The following LRRIQ1 variants were observed in gnomAD, a reference collection of about 807,000 sequenced individuals.
LRRIQ1 encodes the protein leucine rich repeats and IQ motif containing 1, also known as leucine-rich repeat- and IQ domain-containing protein 1.
A neutral mutation model predicts 211.9 loss-of-function variants in LRRIQ1; 210 were observed. The observed-to-expected ratio is 0.99, with a 90% CI of 0.89 to 1.11. The LOEUF (loss-of-function observed/expected upper bound fraction) is 1.11, where lower values mean the gene tolerates loss of function less well. Ranked by LOEUF, LRRIQ1 falls within the 50% of genes most tolerant of loss-of-function variation. LRRIQ1 has a pLI of 0.00. For synonymous variants in LRRIQ1, 699 were observed against 650.1 expected, an observed-to-expected ratio of 1.08 and a Z score of -1.14; for missense variants, 2,136 against 1,939.5, an observed-to-expected ratio of 1.10 and a Z score of -1.90.
intron 25 of LRRIQ1, among the ~76,000 whole-genome samples, chr12:85,232,359 TGTAAGCAAATACAA>T (rs1894983230): frequency 1.3e-5 from 2 of 152,098 alleles, no homozygotes; most frequent in Admixed American, 1.3e-4. Context: ...GACTAAAACA[TGTAAGCAAATACAA>T]ATAAAATGTT....
Position 85,056,966 on chromosome 12 carries a change from A to G in LRRIQ1, c.2173A>G (p.Met725Val), listed in dbSNP as rs1220431761. Residue 725 changes from methionine to valine, a missense_variant, in exon 8 of 27, where the codon ATG (methionine) becomes GTG (valine). Transcript: ENST00000393217. Reference protein sequence around the residue: ...CHENAPEPDSMTCCVSESTLL... With the variant: ...CHENAPEPDSVTCCVSESTLL... The stretch of plus-strand genomic sequence containing the variant: ...TGAAAATGCACCTGAACCTGATAGC[A>G]TGACCTGCTGTGTATCAGAGTCAAC... The G allele has an allele frequency of 1.2e-6, 2 of 1,611,930 alleles. No homozygotes were observed. The highest frequency in any genetic ancestry group is 1.7e-6 in the Non-Finnish European group (2 of 1,179,052).
intron 24 of LRRIQ1, among the ~76,000 whole-genome samples, chr12:85,181,383 A>G (rs893686668): frequency 1.3e-5 from 2 of 151,860 alleles, no homozygotes; most frequent in African/African-American, 4.8e-5. Context: ...TCTAGGATCT[A>G]ATTTTTAACA....
chr12:85,083,314 A>T (rs990468188), intron 11 of LRRIQ1, among the ~76,000 whole-genome samples: 3 of 152,182 alleles, frequency 2.0e-5, no homozygotes, highest in African/African-American at 7.2e-5. Flanking sequence ...AGAATTCATT[A>T]CTTTCATAGC....
intron 18 of LRRIQ1, among the ~76,000 whole-genome samples, chr12:85,128,331 G>A (rs1888526876): frequency 6.6e-6 from 1 of 152,156 alleles, no homozygotes; most frequent in Admixed American, 6.5e-5. Flanking sequence ...AGGATGTGGT[G>A]GCTCAAGCCT....
intron 1 of LRRIQ1, among the ~76,000 whole-genome samples, chr12:85,257,904 A>G (rs1207575192): frequency 1.3e-5 from 2 of 151,874 alleles, no homozygotes; most frequent in Non-Finnish European, 2.9e-5. Context: ...GCCACATGGC[A>G]TCTTTAAGAA....
At chr12:85,234,024 A>G (rs1330783995) in intron 26 of LRRIQ1, among the ~76,000 whole-genome samples, 1 of 152,078 alleles carries the variant, frequency 6.6e-6, no homozygotes, top group Non-Finnish European at 1.5e-5. Context: ...TGAGCCCAAG[A>G]GTTCAAGACC....
chr12:85,144,674 C>T (rs1043366844), intron 19 of LRRIQ1, among the ~76,000 whole-genome samples: 2 of 151,508 alleles, frequency 1.3e-5, no homozygotes, highest in African/African-American at 2.4e-5. Flanking sequence ...AGAAGAAATA[C>T]AAAAGTAGCC....
At chr12:85,214,659 A>G (rs1021235894) in intron 24 of LRRIQ1, among the ~76,000 whole-genome samples, 1 of 152,122 alleles carries the variant, frequency 6.6e-6, no homozygotes, top group Middle Eastern at 3.2e-3. Flanking sequence ...AGGGTTTTCT[A>G]AATCTTATTT....
chr12:85,178,198 G>A (rs1227293674), intron 24 of LRRIQ1, among the ~76,000 whole-genome samples: 4 of 151,900 alleles, frequency 2.6e-5, no homozygotes, highest in Non-Finnish European at 5.9e-5. Context: ...CCTGATACAT[G>A]ATGATCTTCC....
chr12:85,207,256 C>T (rs1048777979), intron 24 of LRRIQ1, among the ~76,000 whole-genome samples: 1 of 152,090 alleles, frequency 6.6e-6, no homozygotes, highest in Non-Finnish European at 1.5e-5. Context: ...CTCCCTCCGT[C>T]CACTCTCAAT....
At chr12:85,190,224 AATG>A (rs961751332) in intron 24 of LRRIQ1, among the ~76,000 whole-genome samples, 1 of 144,646 alleles carries the variant, frequency 6.9e-6, no homozygotes, top group African/African-American at 2.5e-5. Flanking sequence ...ATAATTTTAT[AATG>A]ATATATTAAT....
intron 24 of LRRIQ1, among the ~76,000 whole-genome samples, chr12:85,212,765 G>T (rs185246102): frequency 6.8e-6 from 1 of 147,782 alleles, no homozygotes. Flanking sequence ...AATACGTATC[G>T]AATATATATT....
chr12:85,075,115 C>T (rs1292445001), intron 11 of LRRIQ1, among the ~76,000 whole-genome samples: 1 of 152,036 alleles, frequency 6.6e-6, no homozygotes, highest in Non-Finnish European at 1.5e-5. Context: ...CAAATTAACT[C>T]ATTTGCTTTT....
At chr12:85,244,712 T>TG (rs764367657) in intron 26 of LRRIQ1, 77 bp from the exon 27 acceptor site, 362 of 1,224,458 alleles carry the variant, frequency 3.0e-4, no homozygotes, top group Non-Finnish European at 3.9e-4. Context: ...TTTGTTTATT[T>TG]GGGGTAATGT....
intron 24 of LRRIQ1, 102 bp downstream of exon 24, chr12:85,160,816 T>C: frequency 2.1e-6 from 1 of 484,888 alleles, no homozygotes; most frequent in Non-Finnish European, 3.3e-6. Context: ...AAAGTATATA[T>C]ATAAAGAATT....
chr12:85,121,046 C>T (rs1887944890), intron 15 of LRRIQ1, among the ~76,000 whole-genome samples: 1 of 152,084 alleles, frequency 6.6e-6, no homozygotes, highest in African/African-American at 2.4e-5. Context: ...TGGGTCACTG[C>T]AACCTCCACC....
chr12:85,073,936 A>G (rs1315058057), intron 11 of LRRIQ1, among the ~76,000 whole-genome samples: 2 of 152,004 alleles, frequency 1.3e-5, no homozygotes, highest in Non-Finnish European at 2.9e-5. Context: ...TGTGTTTGTA[A>G]GTTAGTGAGT....
intron 24 of LRRIQ1, among the ~76,000 whole-genome samples, chr12:85,171,769 G>T (rs1308446745): frequency 1.3e-5 from 2 of 152,188 alleles, no homozygotes; most frequent in African/African-American, 2.4e-5. Flanking sequence ...CCAGGAGTGT[G>T]TGGGTACAGA....
chr12:85,240,977 C>A (rs1047470722), intron 26 of LRRIQ1, among the ~76,000 whole-genome samples: 2 of 151,984 alleles, frequency 1.3e-5, no homozygotes, highest in African/African-American at 2.4e-5. Flanking sequence ...ATAATCTATA[C>A]ATATATGTAT....
Sources: allele counts gnomAD v4.1 joint callset (sites outside exome capture counted in the v4.1 genomes callset), GRCh38; gene constraint gnomAD v4.1.1; transcripts MANE v1.5; gene names NCBI Gene and HGNC (gene_info 2026-07-23, HGNC 2026-07-21).